Variants in ACAD11 observed in about 807,000 individuals in gnomAD.
ACAD11 encodes the protein acyl-Coenzyme A dehydrogenase family, member 11.
A neutral mutation model predicts 102.2 loss-of-function variants in ACAD11; 83 were observed. The observed-to-expected ratio is 0.81, with a 90% CI of 0.68 to 0.97. The LOEUF (loss-of-function observed/expected upper bound fraction) is 0.97. ACAD11 is among the 50% of genes least tolerant of loss of function. ACAD11 has a pLI of 0.00. For synonymous variants in ACAD11, 324 were observed against 319.8 expected (o/e 1.01, Z -0.14); for missense variants, 901 against 951.7 (o/e 0.95, Z 0.70).
At chr3:132,613,756 G>A (rs563261429) in intron 11 of ACAD11, among the ~76,000 whole-genome samples, 10 of 152,040 alleles carry the variant, frequency 6.6e-5, no homozygotes, top group East Asian at 1.9e-4. Context: ...AAAATTAGTC[G>A]GGCATGGTGG....
At chr3:132,658,334 C>T (rs1937930388) in intron 1 of ACAD11, among the ~76,000 whole-genome samples, 1 of 152,146 alleles carries the variant, frequency 6.6e-6, no homozygotes, top group Admixed American at 6.5e-5. Flanking sequence ...GCTTATACAA[C>T]ATTTCTGGAA....
Position 132,659,752 on chromosome 3 carries a change from G to GATC in ACAD11, c.-4_-2dup, listed in dbSNP as rs750461859. ...ACTCGCCAGTAGCACCTGGCTTCAT[G>GATC]ATCACCCCCGCAGGCCACAGCAACG... On this transcript the variant is annotated 5_prime_UTR_variant, in exon 1 of 20. The change creates a new upstream start codon in the 5' untranslated region. Coordinates refer to ENST00000264990, the MANE Select transcript of ACAD11 (RefSeq NM_032169.5). The GATC allele has an allele frequency of 1.5e-5, 24 of 1,598,048 alleles. No homozygotes were observed. Among genetic ancestry groups the GATC allele is most frequent in the Non-Finnish European group, 2.0e-5 (23 of 1,171,322 alleles).
At chr3:132,613,494 G>T (rs1181105738) in intron 11 of ACAD11, among the ~76,000 whole-genome samples, 2 of 152,014 alleles carry the variant, frequency 1.3e-5, no homozygotes, top group African/African-American at 4.8e-5. Flanking sequence ...CATAGTATTG[G>T]AAGTTCTGGC....
chr3:132,594,264 C>CA, intron 13 of ACAD11, among the ~76,000 whole-genome samples: 1 of 151,938 alleles, frequency 6.6e-6, no homozygotes, highest in East Asian at 1.9e-4. Context: ...ATCCCATTTA[C>CA]AAAAAAGCTT....
At chr3:132,593,931 A>T (rs563610066) in intron 13 of ACAD11, among the ~76,000 whole-genome samples, 4 of 152,310 alleles carry the variant, frequency 2.6e-5, no homozygotes, top group Admixed American at 2.6e-4. Flanking sequence ...AAGTTGCCTA[A>T]GGTGAGTGAT....
intron 5 of ACAD11, among the ~76,000 whole-genome samples, chr3:132,634,598 C>G (rs1940196794): frequency 6.6e-6 from 1 of 152,100 alleles, no homozygotes; most frequent in South Asian, 2.1e-4. Flanking sequence ...TATAAAGACA[C>G]ATGCACACGT....
intron 13 of ACAD11, 54 bp downstream of exon 13, chr3:132,603,175 C>A: frequency 7.5e-7 from 1 of 1,331,190 alleles, no homozygotes; most frequent in Non-Finnish European, 1.1e-6. Context: ...TCTAGCATAG[C>A]ATCTGGAACA....
At chr3:132,628,254 TA>T in intron 8 of ACAD11, 85 bp downstream of exon 8, 1 of 822,972 alleles carries the variant, frequency 1.2e-6, no homozygotes, top group African/African-American at 1.8e-5. Flanking sequence ...GCAATAAAAA[TA>T]ATCCCTACTC....
At position 132,576,958 on chromosome 3, in the gene ACAD11, G is replaced by C. The variant is rs373571984; in HGVS notation, c.1832C>G (p.Thr611Arg). 1.1e-5 allele frequency: 18 copies of C among 1,608,616 alleles called. No homozygotes were observed. In the African/African-American group the frequency reaches 2.4e-4, roughly 21 times the overall value. The change falls in exon 16 of 20, where the codon ACA (threonine) becomes AGA (arginine). Residue 611 changes from threonine (T) to arginine (R), a missense_variant. Physicochemically the swap from Thr to Arg is moderately conservative, Grantham distance 71 (BLOSUM62 -1). Transcript: ENST00000264990. ...ATTCAACTCACCTAGTATTAGATTT[G>C]TGGCAGGAACTCGCACTTGATTAAA... ...IHFNQVRVPA[T>R]NLILGEGRGF...
rs548802317 is a variant in ACAD11 at position 132,617,032 on chromosome 3, T to C, written c.1414+1602A>G. On this transcript the variant is annotated intron_variant, in intron 11 of 19. Coordinates refer to ENST00000264990, the MANE Select transcript of ACAD11 (RefSeq NM_032169.5). ...TACTGTCTCATATACCTCTTTCTGGTAGCCTGCATTAACTTGTTTTTGGTA... is the reference window on the plus strand; with the variant it reads ...TACTGTCTCATATACCTCTTTCTGGCAGCCTGCATTAACTTGTTTTTGGTA... Among the ~76,000 whole-genome samples the C allele has an allele frequency of 1.2e-4, 19 of 152,302 alleles. No individual in the cohort carries two copies. The East Asian group carries it at 3.1e-3, about 25-fold the overall frequency.
intron 17 of ACAD11, 128 bp from the exon 18 acceptor site, chr3:132,561,345 A>G (rs1379970239): frequency 9.6e-6 from 7 of 726,592 alleles, no homozygotes; most frequent in Non-Finnish European, 1.7e-5. Flanking sequence ...GCTTTACTCT[A>G]TGTATTTTTA....
At chr3:132,657,849 T>C (rs977036405) in intron 1 of ACAD11, among the ~76,000 whole-genome samples, 13 of 150,034 alleles carry the variant, frequency 8.7e-5, no homozygotes, top group Non-Finnish European at 1.5e-4. Context: ...CTTTTGGTAT[T>C]AAAAAAACAC....
rs372359137 is a variant in ACAD11, at chr3:132,659,556, C to A, written c.149+47G>T. On this transcript the variant is annotated intron_variant, in intron 1 of 19. Coordinates refer to ENST00000264990, the MANE Select transcript of ACAD11 (RefSeq NM_032169.5). ...ACCCAGGGCCAAAGGAAGGAAAACT[C>A]AATGTACAAATTTTTTTCCGCTGGA... 18 of 1,606,470 alleles carry A rather than the reference C, an allele frequency of 1.1e-5. No homozygotes were observed. The African/African-American group carries it at 2.3e-4, about 20-fold the overall frequency.
chr3:132,612,337 A>G (rs1939192342), intron 11 of ACAD11, among the ~76,000 whole-genome samples: 1 of 152,064 alleles, frequency 6.6e-6, no homozygotes, highest in Admixed American at 6.6e-5. Context: ...TGTCTAAAAC[A>G]TCAAAAGCAA....
At chr3:132,603,820 A>G (rs933138982) in intron 12 of ACAD11, among the ~76,000 whole-genome samples, 1 of 152,162 alleles carries the variant, frequency 6.6e-6, no homozygotes, top group African/African-American at 2.4e-5. Flanking sequence ...GGTCTTCAGA[A>G]AGTTCTCCAT....
At chr3:132,575,501 G>A (rs1937509684) in intron 17 of ACAD11, among the ~76,000 whole-genome samples, 1 of 152,060 alleles carries the variant, frequency 6.6e-6, no homozygotes, top group Admixed American at 6.6e-5. Context: ...TAATGTTCCA[G>A]GTTCTCTAAA....
chr3:132,612,881 T>C (rs538731195), intron 11 of ACAD11, among the ~76,000 whole-genome samples: 11 of 152,160 alleles, frequency 7.2e-5, no homozygotes, highest in East Asian at 3.9e-4. Flanking sequence ...ACTGGGTATA[T>C]ACCCAAAGGA....
chr3:132,625,065 C>G (rs897047201), intron 9 of ACAD11, among the ~76,000 whole-genome samples: 1 of 152,130 alleles, frequency 6.6e-6, no homozygotes, highest in African/African-American at 2.4e-5. Context: ...AGAGACCAAC[C>G]GAAGCAGTCG....
At chr3:132,615,654 C>T (rs1381535718) in intron 11 of ACAD11, among the ~76,000 whole-genome samples, 3 of 152,130 alleles carry the variant, frequency 2.0e-5, no homozygotes, top group South Asian at 2.1e-4. Flanking sequence ...GGGAGGGGAA[C>T]ATCACATATC....
Sources: gnomAD v4.1 joint callset for allele counts (sites outside exome capture counted in the v4.1 genomes callset) on GRCh38, gnomAD v4.1.1 for gene constraint, MANE v1.5 for transcripts, NCBI Gene and HGNC (gene_info 2026-07-23, HGNC 2026-07-21) for gene names.